UCHL1: variants seen among roughly 807,000 people sequenced by gnomAD.
The protein encoded by UCHL1 is ubiquitin carboxyl-terminal hydrolase isozyme L1.
Under a neutral mutation model 33.3 loss-of-function variants are expected in UCHL1, and 5 were observed. The observed-to-expected ratio is 0.15, with a 90% CI of 0.08 to 0.32. The LOEUF (loss-of-function observed/expected upper bound fraction) is 0.32. Among genes scored for constraint, UCHL1 ranks in the 10% least tolerant of loss-of-function variants. The pLI is 1.00. For synonymous variants in UCHL1, 132 were observed against 108.8 expected (o/e 1.21, Z -1.33); for missense variants, 236 against 280.0 (o/e 0.84, Z 1.12).
chr4:41,258,506 T>G (rs1402130944), intron 3 of UCHL1, among the ~76,000 whole-genome samples: 1 of 152,196 alleles, frequency 6.6e-6, no homozygotes, highest in Non-Finnish European at 1.5e-5. Context: ...CGTCAGATTT[T>G]TTTTTTTAAA....
chr4:41,257,617 C>G lies in UCHL1; in HGVS notation c.54C>G (p.Ser18=). ...INPEMLNKVL[S]RLGVAGQWRF... ...TTGTCTCCTCTCCGCAGGTGCTGTCCCGGCTGGGGGTCGCCGGCCAGTGGC... is the reference window on the plus strand; with the variant it reads ...TTGTCTCCTCTCCGCAGGTGCTGTCGCGGCTGGGGGTCGCCGGCCAGTGGC... Residue 18 remains serine (S), a synonymous_variant, in exon 3 of 9, where the codon TCC becomes TCG. Coordinates refer to ENST00000284440, the MANE Select transcript of UCHL1 (RefSeq NM_004181.5). 1 of 1,552,472 alleles carries G rather than the reference C, an allele frequency of 6.4e-7. No individual in the cohort carries two copies. The highest frequency in any genetic ancestry group is 8.7e-7 in the Non-Finnish European group (1 of 1,154,760).
chr4:41,261,740 T>C lies in UCHL1; in HGVS notation c.351T>C (p.Phe117=). 1 of 1,613,274 alleles carries C rather than the reference T, an allele frequency of 6.2e-7. No homozygotes were observed. The highest frequency in any genetic ancestry group is 8.5e-7 in the Non-Finnish European group (1 of 1,180,040). ...AGGATGGATCAGTTCTGAAACAGTT[T>C]CTTTCTGAAACAGAGAAAATGTCCC... ...GFEDGSVLKQ[F]LSETEKMSPE... is the part of the protein sequence containing the mutation. Residue 117 remains phenylalanine (F), a synonymous_variant, in exon 5 of 9, where the codon TTT becomes TTC. Coordinates refer to ENST00000284440, the MANE Select transcript of UCHL1 (RefSeq NM_004181.5).
In UCHL1 at chr4:41,261,811, T is replaced by G; in HGVS notation, c.411+11T>G. 6.2e-7 allele frequency: 1 copy of G among 1,614,198 alleles called. No homozygotes were observed. Among genetic ancestry groups the G allele is most frequent in the Non-Finnish European group, 8.5e-7 (1 of 1,180,030 alleles). Reference sequence around the variant, plus strand: ...TTTGAAAAGAATGAGGTAAGAGAACTTACAGAGCATGGCCTTTAAATAACT... The same window carrying G: ...TTTGAAAAGAATGAGGTAAGAGAACGTACAGAGCATGGCCTTTAAATAACT... On this transcript the variant is annotated intron_variant, in intron 5 of 8. Coordinates refer to ENST00000284440, the MANE Select transcript of UCHL1 (RefSeq NM_004181.5).
chr4:41,262,428 C>T (rs568596108), intron 6 of UCHL1, among the ~76,000 whole-genome samples: 1 of 152,124 alleles, frequency 6.6e-6, no homozygotes, highest in South Asian at 2.1e-4. Context: ...TCTGGGTGAC[C>T]CTGTCTCAAT....
intron 4 of UCHL1, 21 bp downstream of exon 4, chr4:41,260,818 C>T (rs775527627): frequency 2.7e-5 from 44 of 1,613,920 alleles, no homozygotes; most frequent in Non-Finnish European, 3.6e-5. Flanking sequence ...GTTTTGAGGC[C>T]AGCCATCCTA....
rs553172248 is a variant in UCHL1 at position 41,268,151 on chromosome 4, A to G, written c.*78A>G. 1.5e-6 allele frequency: 2 copies of G among 1,338,206 alleles called. No individual in the cohort carries two copies. Among genetic ancestry groups the G allele is most frequent in the African/African-American group, 2.9e-5 (2 of 69,642 alleles). The allele number at this position is 1,338,206 out of a possible 1,614,324, so 82.9% of individuals were successfully genotyped here. On this transcript the variant is annotated 3_prime_UTR_variant, in exon 9 of 9. Coordinates refer to ENST00000284440, the MANE Select transcript of UCHL1 (RefSeq NM_004181.5). ...TATATACCCCCCCATGCAGTCTAAA[A>G]TGCTTCAGTACTTGTGAAACACAGC...
At position 41,260,584 on chromosome 4, in the gene UCHL1, T is replaced by C. The variant is rs375441869; in HGVS notation, c.175-63T>C. On this transcript the variant is annotated intron_variant, in intron 3 of 8. Coordinates refer to ENST00000284440, the MANE Select transcript of UCHL1 (RefSeq NM_004181.5). ...GTTTCCATTTAGTTGGTAGAACTCATGTGCTGCCATCTGTTCTTTGCACTT... is the reference window on the plus strand; with the variant it reads ...GTTTCCATTTAGTTGGTAGAACTCACGTGCTGCCATCTGTTCTTTGCACTT... 111 of 1,584,394 alleles carry C rather than the reference T, an allele frequency of 7.0e-5. 1 individual carries two copies. In the South Asian group the frequency reaches 1.1e-3, roughly 16 times the overall value.
At chr4:41,266,202 G>C (rs891884092) in intron 8 of UCHL1, among the ~76,000 whole-genome samples, 3 of 148,216 alleles carry the variant, frequency 2.0e-5, no homozygotes, top group African/African-American at 7.5e-5. Context: ...GATTATAGGC[G>C]TGAGCCACAG....
rs1561080835 is a variant in UCHL1 at position 41,261,701 on chromosome 4, A to T, written c.326-14A>T. 6.7e-7 allele frequency: 1 copy of T among 1,501,470 alleles called. No homozygotes were observed. The highest frequency in any genetic ancestry group is 1.2e-5 in the South Asian group (1 of 86,338). 93.0% of individuals were successfully genotyped at this position (1,501,470 alleles called of 1,614,324 possible). The stretch of plus-strand genomic sequence containing the variant: ...TTATTTTACCTATACTAACACATCC[A>T]TTTTTTTTTTAAGAGGATGGATCAG... On this transcript the variant is annotated splice_polypyrimidine_tract_variant and intron_variant, in intron 4 of 8. Coordinates refer to ENST00000284440, the MANE Select transcript of UCHL1 (RefSeq NM_004181.5).
intron 7 of UCHL1, among the ~76,000 whole-genome samples, chr4:41,263,674 ACT>A (rs1781108882): frequency 6.6e-6 from 1 of 152,146 alleles, no homozygotes; most frequent in South Asian, 2.1e-4. Flanking sequence ...AAGACTTGTA[ACT>A]CTTGTCTCAA....
chr4:41,266,364 G>A (rs1273801076), intron 8 of UCHL1, among the ~76,000 whole-genome samples: 1 of 151,478 alleles, frequency 6.6e-6, no homozygotes, highest in African/African-American at 2.4e-5. Context: ...GATGTTTTAG[G>A]TTGTCTAAAT....
chr4:41,267,219 A>G (rs1781167528), intron 8 of UCHL1, among the ~76,000 whole-genome samples: 1 of 121,196 alleles, frequency 8.3e-6, no homozygotes, highest in African/African-American at 3.2e-5. Flanking sequence ...ATATCAGGTA[A>G]ACGTTAAGGC....
At chr4:41,265,988 G>A (rs1781146150) in intron 8 of UCHL1, among the ~76,000 whole-genome samples, 2 of 151,786 alleles carry the variant, frequency 1.3e-5, no homozygotes, top group Non-Finnish European at 2.9e-5. Context: ...TAAGGTACAT[G>A]CTAACTCATC....
intron 6 of UCHL1, 127 bp from the exon 7 acceptor site, chr4:41,263,098 A>T (rs924455584): frequency 1.3e-6 from 1 of 747,802 alleles, no homozygotes; most frequent in South Asian, 1.5e-5. Context: ...TTAATGTAAG[A>T]CATACATTAA....
In UCHL1 at chr4:41,256,943, T is replaced by A. The variant is rs1374417924; in HGVS notation, c.-34T>A. On this transcript the variant is annotated 5_prime_UTR_variant, in exon 1 of 9. Coordinates refer to ENST00000284440, the MANE Select transcript of UCHL1 (RefSeq NM_004181.5). ...CGGCTCCGCTAGCTGTTTTTCGTCT[T>A]CCCTAGGCTATTTCTGCCGGGCGCT... 3 of 1,614,014 alleles carry A rather than the reference T, an allele frequency of 1.9e-6. No individual in the cohort carries two copies. The highest frequency in any genetic ancestry group is 3.3e-4 in the Middle Eastern group (2 of 6,020).
At chr4:41,258,997 G>A (rs773640592) in intron 3 of UCHL1, among the ~76,000 whole-genome samples, 2 of 152,180 alleles carry the variant, frequency 1.3e-5, no homozygotes, top group Non-Finnish European at 2.9e-5. Flanking sequence ...AGCATTCAGA[G>A]GCAAGGCCTC....
At chr4:41,257,774 A>G (rs1177879254) in intron 3 of UCHL1, 37 bp downstream of exon 3, 1 of 1,542,640 alleles carries the variant, frequency 6.5e-7, no homozygotes, top group Non-Finnish European at 8.7e-7. Context: ...GGCCGCCGGC[A>G]GTGCACGCCG....
chr4:41,260,594 T>A, intron 3 of UCHL1, 53 bp from the exon 4 acceptor site: 6 of 1,603,856 alleles, frequency 3.7e-6, no homozygotes, highest in Non-Finnish European at 5.1e-6. Flanking sequence ...TGTGCTGCCA[T>A]CTGTTCTTTG....
Position 41,260,747 on chromosome 4 carries a change from C to T in UCHL1, c.275C>T (p.Thr92Ile). 2 of 1,614,188 alleles carry T rather than the reference C, an allele frequency of 1.2e-6. No individual in the cohort carries two copies. The highest frequency in any genetic ancestry group is 1.7e-6 in the Non-Finnish European group (2 of 1,180,042). ...MKQTIGNSCG[T>I]IGLIHAVANN... ...CAGACCATTGGGAATTCCTGTGGCA[C>T]AATCGGACTTATTCACGCAGTGGCC... The change falls in exon 4 of 9, where the codon ACA becomes ATA. Residue 92 changes from threonine (T) to isoleucine (I), a missense_variant. Coordinates refer to ENST00000284440, the MANE Select transcript of UCHL1 (RefSeq NM_004181.5).
Sources: allele counts gnomAD v4.1 joint callset (sites outside exome capture counted in the v4.1 genomes callset), GRCh38; gene constraint gnomAD v4.1.1; transcripts MANE v1.5; gene names NCBI Gene and HGNC (gene_info 2026-07-23, HGNC 2026-07-21).